The following SUMF1 variants were observed in gnomAD, a reference collection of about 807,000 sequenced individuals.
SUMF1 encodes formylglycine-generating enzyme.
Under a neutral mutation model 47.6 loss-of-function variants are expected in SUMF1, and 48 were observed. The observed-to-expected ratio is 1.01, with a 90% CI of 0.80 to 1.28. The LOEUF (loss-of-function observed/expected upper bound fraction) is 1.28, where lower values mean the gene tolerates loss of function less well. Ranked by LOEUF, SUMF1 falls within the 50% of genes most tolerant of loss-of-function variation. The pLI, the probability that SUMF1 is intolerant of heterozygous loss-of-function variation, is 0.00. For missense variants in SUMF1, 571 were observed against 485.4 expected, an observed-to-expected ratio of 1.18 and a Z score of -1.66; for synonymous variants, 230 against 192.1, an observed-to-expected ratio of 1.20 and a Z score of -1.63.
At chr3:4,395,491 GA>G (rs1211565723) in intron 7 of SUMF1, among the ~76,000 whole-genome samples, 1 of 152,184 alleles carries the variant, frequency 6.6e-6, no homozygotes, top group East Asian at 1.9e-4. Context: ...TCCTGCATGA[GA>G]GGAAAAGGTG....
At chr3:4,443,870 C>G (rs1454693710) in intron 3 of SUMF1, among the ~76,000 whole-genome samples, 2 of 151,736 alleles carry the variant, frequency 1.3e-5, no homozygotes, top group Non-Finnish European at 2.9e-5. Context: ...TAAGAAGTTC[C>G]TAAAGAATAA....
chr3:4,194,283 T>C (rs1695382677), intron 8 of SUMF1, among the ~76,000 whole-genome samples: 1 of 152,138 alleles, frequency 6.6e-6, no homozygotes, highest in Non-Finnish European at 1.5e-5. Context: ...ACAGGCCACA[T>C]GCCCTTTGGG....
chr3:4,212,614 G>A (rs564648764), intron 8 of SUMF1, among the ~76,000 whole-genome samples: 1 of 152,082 alleles, frequency 6.6e-6, no homozygotes, highest in South Asian at 2.1e-4. Flanking sequence ...AAACTCCTCT[G>A]AGCTAAAGGA....
intron 8 of SUMF1, among the ~76,000 whole-genome samples, chr3:4,200,394 T>C (rs570434148): frequency 9.2e-5 from 14 of 151,990 alleles, no homozygotes; most frequent in Non-Finnish European, 2.1e-4. Flanking sequence ...GGAGCCCAGA[T>C]AAAACAAAAA....
At chr3:4,189,893 T>C (rs1241061027) in intron 8 of SUMF1, among the ~76,000 whole-genome samples, 1 of 152,300 alleles carries the variant, frequency 6.6e-6, no homozygotes, top group Admixed American at 6.5e-5. Context: ...CAAACTGCCT[T>C]TTCTGCCTCA....
chr3:4,178,364 C>G (rs900376913), intron 8 of SUMF1, among the ~76,000 whole-genome samples: 3 of 152,180 alleles, frequency 2.0e-5, no homozygotes, highest in African/African-American at 7.2e-5. Context: ...GGCTTCATCC[C>G]TGGGATGCAA....
intron 8 of SUMF1, among the ~76,000 whole-genome samples, chr3:4,218,685 T>G (rs1397267613): frequency 6.6e-6 from 1 of 152,184 alleles, no homozygotes; most frequent in Non-Finnish European, 1.5e-5. Flanking sequence ...AGCATCAGTT[T>G]ATAGACAAAC....
At chr3:4,280,643 G>T (rs1697508758) in intron 8 of SUMF1, among the ~76,000 whole-genome samples, 2 of 152,164 alleles carry the variant, frequency 1.3e-5, no homozygotes, top group Admixed American at 1.3e-4. Flanking sequence ...TTAAACAACA[G>T]AAATTTACCG....
At chr3:4,377,575 G>A (rs189135233) in intron 7 of SUMF1, among the ~76,000 whole-genome samples, 22 of 151,912 alleles carry the variant, frequency 1.4e-4, no homozygotes, top group Non-Finnish European at 2.6e-4. Flanking sequence ...GAAGAGCAGC[G>A]TCTACCACTG....
intron 8 of SUMF1, among the ~76,000 whole-genome samples, chr3:4,367,214 CA>C (rs897061145): frequency 3.3e-5 from 5 of 152,186 alleles, no homozygotes; most frequent in Non-Finnish European, 7.3e-5. Context: ...CTCAGATCTC[CA>C]GCTGCGTGCT....
chr3:4,144,187 A>G (rs572946470), intron 8 of SUMF1, among the ~76,000 whole-genome samples: 1 of 151,898 alleles, frequency 6.6e-6, no homozygotes, highest in South Asian at 2.1e-4. Flanking sequence ...GGCTGGTCTC[A>G]AACTCCTGGG....
chr3:4,221,512 G>A (rs748702476), intron 8 of SUMF1, among the ~76,000 whole-genome samples: 2 of 151,716 alleles, frequency 1.3e-5, no homozygotes, highest in Non-Finnish European at 2.9e-5. Context: ...ATAACCTGAT[G>A]TCCATAGTTC....
chr3:4,276,579 T>C (rs779330688), intron 8 of SUMF1, among the ~76,000 whole-genome samples: 1 of 152,160 alleles, frequency 6.6e-6, no homozygotes, highest in Non-Finnish European at 1.5e-5. Context: ...CTTTATAAAA[T>C]GCACATGATT....
At chr3:4,302,166 C>T (rs940982492) in intron 8 of SUMF1, among the ~76,000 whole-genome samples, 22 of 152,146 alleles carry the variant, frequency 1.4e-4, no homozygotes, top group Non-Finnish European at 2.8e-4. Context: ...CTTAAGAATG[C>T]GCCCCCAACA....
At chr3:4,187,884 C>A (rs1470492214) in intron 8 of SUMF1, among the ~76,000 whole-genome samples, 1 of 152,114 alleles carries the variant, frequency 6.6e-6, no homozygotes, top group Non-Finnish European at 1.5e-5. Flanking sequence ...ACCATACACC[C>A]GGACCTTAAC....
intron 9 of SUMF1, among the ~76,000 whole-genome samples, chr3:4,039,707 T>C (rs1212814630): frequency 6.6e-6 from 1 of 152,078 alleles, no homozygotes; most frequent in African/African-American, 2.4e-5. Flanking sequence ...CAATAGGTCC[T>C]AATGACTATA....
chr3:4,105,427 A>G (rs1231814358), intron 8 of SUMF1, among the ~76,000 whole-genome samples: 1 of 152,180 alleles, frequency 6.6e-6, no homozygotes, highest in African/African-American at 2.4e-5. Flanking sequence ...CACAGGTGAT[A>G]AGTTTGTGAA....
At chr3:4,229,677 A>G (rs1053763233) in intron 8 of SUMF1, among the ~76,000 whole-genome samples, 2 of 152,130 alleles carry the variant, frequency 1.3e-5, no homozygotes, top group Admixed American at 1.3e-4. Context: ...TCTGAAAATC[A>G]GAATTTCCAA....
intron 7 of SUMF1, among the ~76,000 whole-genome samples, chr3:4,394,075 A>C (rs1486870624): frequency 6.6e-6 from 1 of 152,154 alleles, no homozygotes; most frequent in African/African-American, 2.4e-5. Flanking sequence ...AATTATTTTT[A>C]GGTTTTTTTT....
Sources: allele counts gnomAD v4.1 joint callset (sites outside exome capture counted in the v4.1 genomes callset), GRCh38; gene constraint gnomAD v4.1.1; transcripts MANE v1.5; gene names NCBI Gene and HGNC (gene_info 2026-07-23, HGNC 2026-07-21).